NBEAL1: variants seen among roughly 807,000 people sequenced by gnomAD.
The protein encoded by NBEAL1 is neurobeachin like 1, also known as neurobeachin-like protein 1.
In NBEAL1, 273 loss-of-function variants were observed where a neutral mutation model predicts 351.3. That is an observed-to-expected ratio of 0.78 (90% CI 0.70 to 0.86). The LOEUF (loss-of-function observed/expected upper bound fraction) is 0.86. NBEAL1 is among the 40% of genes least tolerant of loss of function. The pLI is 0.00. For synonymous variants in NBEAL1, 1,050 were observed against 1,086.4 expected (o/e 0.97, Z 0.66); for missense variants, 2,961 against 3,201.3 (o/e 0.92, Z 1.81).
intron 3 of NBEAL1, among the ~76,000 whole-genome samples, chr2:203,044,260 G>A (rs572751331): frequency 1.3e-5 from 2 of 152,234 alleles, no homozygotes; most frequent in African/African-American, 2.4e-5. Context: ...AAAGTTTAGG[G>A]AGTATTAACT....
In NBEAL1 at chr2:203,144,580, T is replaced by C. The variant is rs1200303223; in HGVS notation, c.4849-20T>C. ...GTTTGCTTTAGTCTGCTCTTTCTCA[T>C]CTAAACTGTTTTCCTCCAGGTTTGT... On this transcript the variant is annotated intron_variant, in intron 31 of 55. Transcript: ENST00000683969. 1.3e-6 allele frequency: 2 copies of C among 1,591,352 alleles called. No homozygotes were observed. Among genetic ancestry groups the C allele is most frequent in the Admixed American group, 3.5e-5 (2 of 56,840 alleles).
In NBEAL1 at chr2:203,145,074, C is replaced by G. The variant is rs369128902; in HGVS notation, c.5218C>G (p.Leu1740Val). ...TTACGATGGTCATGAGAACATGGCACTTTATTGGAAGGATTGTTATGAAGC... is the reference window on the plus strand; with the variant it reads ...TTACGATGGTCATGAGAACATGGCAGTTTATTGGAAGGATTGTTATGAAGC... The part of the protein sequence containing the change: ...TFYDGHENMA[L>V]YWKDCYEALM... The change falls in exon 33 of 56, where the codon CTT becomes GTT. Residue 1740 changes from leucine (L) to valine (V), a missense_variant. Leu to Val is a conservative substitution (Grantham distance 32). Transcript: ENST00000683969. The G allele has an allele frequency of 1.0e-4, 161 of 1,612,846 alleles. No individual in the cohort carries two copies. The Admixed American group carries it at 2.7e-3, about 27-fold the overall frequency.
At position 203,110,133 on chromosome 2, in the gene NBEAL1, A is replaced by G; in HGVS notation, c.1950-17A>G. 3.9e-6 allele frequency: 6 copies of G among 1,542,944 alleles called. No individual in the cohort carries two copies. Among genetic ancestry groups the G allele is most frequent in the Non-Finnish European group, 5.2e-6 (6 of 1,144,088 alleles). ...ACAACCAACTTTAAAAGTTCTGATA[A>G]TACGTATTTTTTTTAGTTTTTTTAC... is the stretch of plus-strand genomic sequence containing the variant. On this transcript the variant is annotated splice_polypyrimidine_tract_variant and intron_variant, in intron 14 of 55. Transcript: ENST00000683969.
In NBEAL1 at chr2:203,168,247, C is replaced by T. The variant is rs565230050; in HGVS notation, c.5997+887C>T. Among the ~76,000 whole-genome samples the T allele has an allele frequency of 1.4e-4, 21 of 152,354 alleles. 1 individual carries two copies. Among genetic ancestry groups the T allele is most frequent in the African/African-American group, 5.1e-4 (21 of 41,584 alleles). Reference sequence around the variant, plus strand: ...GTATAACTTTATTGTCTTTAAAGTACATTTCTATAAAGTAGCTAATCTTTA... The same window carrying T: ...GTATAACTTTATTGTCTTTAAAGTATATTTCTATAAAGTAGCTAATCTTTA... On this transcript the variant is annotated intron_variant, in intron 38 of 55. Transcript: ENST00000683969.
At chr2:203,208,809 C>A in intron 52 of NBEAL1, 56 bp downstream of exon 52, 1 of 1,320,988 alleles carries the variant, frequency 7.6e-7, no homozygotes, top group Non-Finnish European at 1.1e-6. Context: ...TTATTACCAA[C>A]ACTTATAACT....
chr2:203,153,981 C>T (rs775306181), intron 35 of NBEAL1, among the ~76,000 whole-genome samples: 1 of 151,758 alleles, frequency 6.6e-6, no homozygotes, highest in Non-Finnish European at 1.5e-5. Flanking sequence ...CGTGGTGGCT[C>T]ACGCCTGTAA....
At chr2:203,116,324 G>A (rs530896161) in intron 18 of NBEAL1, among the ~76,000 whole-genome samples, 12 of 152,250 alleles carry the variant, frequency 7.9e-5, no homozygotes, top group African/African-American at 2.9e-4. Context: ...AATTTGTACC[G>A]ATGAATTGAC....
At chr2:203,207,377 C>T (rs1444234772) in intron 51 of NBEAL1, among the ~76,000 whole-genome samples, 1 of 151,874 alleles carries the variant, frequency 6.6e-6, no homozygotes, top group African/African-American at 2.4e-5. Context: ...AGTGAGGAGC[C>T]CCTCTGCCCG....
intron 12 of NBEAL1, among the ~76,000 whole-genome samples, chr2:203,104,919 A>T (rs1348157880): frequency 6.7e-6 from 1 of 149,368 alleles, no homozygotes; most frequent in Non-Finnish European, 1.5e-5. Flanking sequence ...GAGTGCAGTG[A>T]TGTAATCCTG....
intron 15 of NBEAL1, 87 bp downstream of exon 15, chr2:203,110,369 T>A (rs1309293123): frequency 1.4e-6 from 2 of 1,439,858 alleles, no homozygotes; most frequent in African/African-American, 2.9e-5. Flanking sequence ...AGTCATTTTT[T>A]TGCTAAAAAA....
At chr2:203,047,649 G>A (rs565402049) in intron 3 of NBEAL1, among the ~76,000 whole-genome samples, 55 of 152,158 alleles carry the variant, frequency 3.6e-4, no homozygotes, top group Admixed American at 1.4e-3. Context: ...ACCCATTCAG[G>A]TTAGGAGCAA....
At chr2:203,163,903 G>C (rs1215834282) in intron 36 of NBEAL1, among the ~76,000 whole-genome samples, 1 of 151,750 alleles carries the variant, frequency 6.6e-6, no homozygotes, top group African/African-American at 2.4e-5. Context: ...TATGTGTTTG[G>C]TGACCCTTCC....
At chr2:203,211,429 C>A (rs1407539366) in intron 54 of NBEAL1, among the ~76,000 whole-genome samples, 1 of 152,026 alleles carries the variant, frequency 6.6e-6, no homozygotes, top group Non-Finnish European at 1.5e-5. Flanking sequence ...ATGCTTGAGC[C>A]CAGGAGTTTA....
intron 8 of NBEAL1, among the ~76,000 whole-genome samples, chr2:203,078,682 A>T (rs531508323): frequency 6.6e-6 from 1 of 152,302 alleles, no homozygotes; most frequent in East Asian, 1.9e-4. Flanking sequence ...TGACGAAAGG[A>T]TTATAGTTCA....
intron 35 of NBEAL1, among the ~76,000 whole-genome samples, chr2:203,155,322 G>C (rs1350698356): frequency 2.7e-5 from 4 of 150,836 alleles, no homozygotes; most frequent in African/African-American, 9.7e-5. Flanking sequence ...TTTTCTGATT[G>C]GCAAACTTAA....
Position 203,126,640 on chromosome 2 carries a change from G to A in NBEAL1, c.3069G>A (p.Gln1023=), listed in dbSNP as rs1202174863. Residue 1023 remains glutamine, a synonymous_variant, in exon 22 of 56, where the codon CAG becomes CAA. Transcript: ENST00000683969. ...AAGTATCATTAGAGAAAAATATGCA[G>A]CTCCTGCAACAAATGTATCAATATT... ...IEQVSLEKNM[Q]LLQQMYQYLL... The A allele has an allele frequency of 1.3e-6, 2 of 1,530,550 alleles. No individual in the cohort carries two copies. The highest frequency in any genetic ancestry group is 2.8e-5 in the African/African-American group (2 of 72,320). 94.8% of individuals were successfully genotyped at this position (1,530,550 alleles called of 1,614,324 possible). A position where few individuals can be genotyped will look rare whatever the true frequency, so the allele number is the denominator to read the frequency against.
intron 4 of NBEAL1, among the ~76,000 whole-genome samples, chr2:203,055,273 C>T (rs2061386312): frequency 6.6e-6 from 1 of 152,072 alleles, no homozygotes; most frequent in Admixed American, 6.6e-5. Context: ...CTGTTTTCTC[C>T]AAGTTGTCAT....
At chr2:203,138,941 T>G (rs948742793) in intron 31 of NBEAL1, among the ~76,000 whole-genome samples, 193 bp downstream of exon 31, 16 of 152,202 alleles carry the variant, frequency 1.1e-4, no homozygotes, top group African/African-American at 3.9e-4. Context: ...ATTAATAACT[T>G]TATATAATTT....
intron 10 of NBEAL1, 127 bp downstream of exon 10, chr2:203,084,696 C>T (rs936833059): frequency 8.3e-6 from 4 of 484,500 alleles, no homozygotes; most frequent in African/African-American, 8.1e-5. Flanking sequence ...AATTACATAA[C>T]CAAGTTTTAT....
Sources: gnomAD v4.1 joint callset for allele counts (sites outside exome capture counted in the v4.1 genomes callset) on GRCh38, gnomAD v4.1.1 for gene constraint, MANE v1.5 for transcripts, NCBI Gene and HGNC (gene_info 2026-07-23, HGNC 2026-07-21) for gene names.